The following EFCAB13 variants were observed in gnomAD, a reference collection of about 807,000 sequenced individuals.
EFCAB13 encodes the protein EF-hand calcium binding domain 13, also known as EF-hand calcium-binding domain-containing protein 13.
EFCAB13 carries 91 observed loss-of-function variants against 110.2 expected under a neutral mutation model. The observed-to-expected ratio is 0.83, with a 90% CI of 0.70 to 0.98. EFCAB13 has a LOEUF of 0.98. Ranked by LOEUF, EFCAB13 falls within the 50% of genes least tolerant of loss-of-function variation. The pLI, the probability that EFCAB13 is intolerant of heterozygous loss-of-function variation, is 0.00. For synonymous variants in EFCAB13, 323 were observed against 369.9 expected (o/e 0.87, Z 1.45); for missense variants, 968 against 1,119.4 (o/e 0.86, Z 1.93).
intron 10 of EFCAB13, 138 bp from the exon 11 acceptor site, chr17:47,370,299 A>T (rs2065574476): frequency 1.5e-6 from 1 of 652,382 alleles, no homozygotes. Context: ...ATGATTTCAG[A>T]TTTTATTCAA....
At chr17:47,390,115 C>G (rs1182434593) in intron 14 of EFCAB13, among the ~76,000 whole-genome samples, 1 of 152,028 alleles carries the variant, frequency 6.6e-6, no homozygotes, top group Non-Finnish European at 1.5e-5. Context: ...CCTCTGCTGC[C>G]TAGCTTCCTA....
chr17:47,379,779 C>T (rs1248034438), intron 14 of EFCAB13, among the ~76,000 whole-genome samples: 1 of 150,766 alleles, frequency 6.6e-6, no homozygotes, highest in Non-Finnish European at 1.5e-5. Context: ...TATTTTTTAG[C>T]AAGATTAAAA....
Position 47,379,192 on chromosome 17 carries a change from G to C in EFCAB13, c.1521G>C (p.Met507Ile), listed in dbSNP as rs139186910. 3 of 1,612,698 alleles carry C rather than the reference G, an allele frequency of 1.9e-6. No homozygotes were observed. The highest frequency in any genetic ancestry group is 2.5e-6 in the Non-Finnish European group (3 of 1,179,084). The change falls in exon 14 of 25, where the codon ATG becomes ATC. Residue 507 changes from methionine (M) to isoleucine (I), a missense_variant. By Grantham distance (10) the Met-to-Ile change is conservative. Coordinates refer to ENST00000331493, the MANE Select transcript of EFCAB13 (RefSeq NM_152347.5). ...VTDTSRNENG[M>I]VELDDFVNAL... ...TCTTTTTAAAAACAGAGAATGGAAT[G>C]GTGGAGTTAGATGACTTTGTAAATG...
chr17:47,344,607 C>T (rs572706253), intron 7 of EFCAB13, among the ~76,000 whole-genome samples: 2 of 152,214 alleles, frequency 1.3e-5, no homozygotes, highest in South Asian at 4.1e-4. Flanking sequence ...CAGCAATTTA[C>T]ATGTTATAGT....
intron 4 of EFCAB13, among the ~76,000 whole-genome samples, chr17:47,334,395 A>G (rs757602946): frequency 1.3e-5 from 2 of 152,154 alleles, no homozygotes; most frequent in Admixed American, 1.3e-4. Context: ...ATTTTCTCCC[A>G]GTCTGTGACT....
chr17:47,368,041 A>G (rs1426826294), intron 10 of EFCAB13, among the ~76,000 whole-genome samples: 5 of 152,212 alleles, frequency 3.3e-5, no homozygotes, highest in Non-Finnish European at 1.5e-5. Flanking sequence ...AGTTAGCTGA[A>G]AAATATTATG....
intron 9 of EFCAB13, among the ~76,000 whole-genome samples, chr17:47,352,206 C>G: frequency 6.6e-6 from 1 of 151,950 alleles, no homozygotes; most frequent in East Asian, 1.9e-4. Context: ...CCGGCCTCAT[C>G]TAGTATTCTT....
At chr17:47,416,974 T>C (rs1036909378) in intron 23 of EFCAB13, among the ~76,000 whole-genome samples, 2 of 152,224 alleles carry the variant, frequency 1.3e-5, no homozygotes, top group African/African-American at 4.8e-5. Flanking sequence ...CAAAAATTCA[T>C]GTATAATTTC....
At chr17:47,346,433 A>AACCCCCC (rs2065416316) in intron 8 of EFCAB13, among the ~76,000 whole-genome samples, 2 of 94,362 alleles carry the variant, frequency 2.1e-5, no homozygotes, top group African/African-American at 4.3e-5. Flanking sequence ...AACGTACTTT[A>AACCCCCC]CCCCCCCCCC....
intron 9 of EFCAB13, among the ~76,000 whole-genome samples, chr17:47,359,537 A>T (rs2065499044): frequency 7.0e-6 from 1 of 143,478 alleles, no homozygotes. Context: ...TTTTTTGTCA[A>T]GGCTAATTAA....
intron 4 of EFCAB13, among the ~76,000 whole-genome samples, chr17:47,330,571 G>A (rs2065314144): frequency 6.6e-6 from 1 of 152,100 alleles, no homozygotes; most frequent in African/African-American, 2.4e-5. Flanking sequence ...TTGTTCCTGA[G>A]TTACTTCACT....
At chr17:47,368,453 T>A (rs62076463) in intron 10 of EFCAB13, among the ~76,000 whole-genome samples, 13,046 of 152,226 alleles carry the variant, frequency 0.086, 775 homozygotes, top group Middle Eastern at 0.16. Flanking sequence ...ACAGAACTGG[T>A]TGGAGTGGTT....
intron 23 of EFCAB13, among the ~76,000 whole-genome samples, chr17:47,429,192 C>T (rs1461181286): frequency 1.3e-5 from 2 of 152,124 alleles, no homozygotes; most frequent in African/African-American, 2.4e-5. Context: ...AATTATTTTT[C>T]ACAATATTAA....
Position 47,440,584 on chromosome 17 carries a change from C to A in EFCAB13, c.2792C>A (p.Ser931Ter), listed in dbSNP as rs369709542. Residue 931 changes from serine to a stop codon, truncating the protein, a stop_gained, in exon 25 of 25, where the codon TCG becomes TAG. Coordinates refer to ENST00000331493, the MANE Select transcript of EFCAB13 (RefSeq NM_152347.5). LOFTEE classifies it high-confidence loss of function. ...TACATGTTAAAAACAATACAGGATT[C>A]GATAGTTAAAGCACAGGTAAGTAAG... ...VVYMLKTIQD[S>*]IVKAQVSKKQ... 6.2e-7 allele frequency: 1 copy of A among 1,612,798 alleles called. No homozygotes were observed. Among genetic ancestry groups the A allele is most frequent in the South Asian group, 1.1e-5 (1 of 90,888 alleles).
rs79852587 is a variant in EFCAB13 at position 47,347,508 on chromosome 17, A to C, written c.518-300A>C. On this transcript the variant is annotated intron_variant, in intron 8 of 24. Coordinates refer to ENST00000331493, the MANE Select transcript of EFCAB13 (RefSeq NM_152347.5). ...ACCAAGGGCTTTCACTGAGATACAT[A>C]GTAAGTGCTATGGGAACACAGAGGA... is the stretch of plus-strand genomic sequence containing the variant. Among the ~76,000 whole-genome samples, 703 of 152,326 alleles carry C rather than the reference A, an allele frequency of 4.6e-3. 41 individuals are homozygous for C. The East Asian group carries it at 0.12, about 27-fold the overall frequency.
chr17:47,421,056 C>T (rs1598762543), intron 23 of EFCAB13, among the ~76,000 whole-genome samples: 1 of 144,486 alleles, frequency 6.9e-6, no homozygotes, highest in South Asian at 2.3e-4. Flanking sequence ...AGCCACCCCG[C>T]CCGGGAGGTG....
chr17:47,399,074 C>A (rs908713272), intron 17 of EFCAB13, among the ~76,000 whole-genome samples: 1 of 152,082 alleles, frequency 6.6e-6, no homozygotes, highest in Non-Finnish European at 1.5e-5. Flanking sequence ...AGGTGCACAG[C>A]ACTGTGCCTG....
chr17:47,432,021 T>C (rs1188762085), intron 24 of EFCAB13, among the ~76,000 whole-genome samples: 1 of 151,954 alleles, frequency 6.6e-6, no homozygotes, highest in Non-Finnish European at 1.5e-5. Flanking sequence ...TTTGGAAGGC[T>C]GAGGCAGGCG....
intron 21 of EFCAB13, among the ~76,000 whole-genome samples, chr17:47,412,020 G>C (rs1225924099): frequency 6.6e-6 from 1 of 152,218 alleles, no homozygotes; most frequent in Non-Finnish European, 1.5e-5. Context: ...GCATGAACCA[G>C]GAAGCAGAGT....
Sources: allele counts gnomAD v4.1 joint callset (sites outside exome capture counted in the v4.1 genomes callset), GRCh38; gene constraint gnomAD v4.1.1; transcripts MANE v1.5; gene names NCBI Gene and HGNC (gene_info 2026-07-23, HGNC 2026-07-21).